The following ASNS variants were observed in gnomAD, a reference collection of about 807,000 sequenced individuals.
ASNS encodes asparagine synthetase [glutamine-hydrolyzing].
In ASNS, 37 loss-of-function variants were observed where a neutral mutation model predicts 62.6. The observed-to-expected ratio is 0.59, with a 90% confidence interval of 0.45 to 0.78. The LOEUF (loss-of-function observed/expected upper bound fraction) is 0.78. ASNS is among the 30% of genes least tolerant of loss of function. ASNS has a pLI of 0.00. For missense variants in ASNS, 520 were observed against 682.4 expected, an observed-to-expected ratio of 0.76 and a Z score of 2.65; for synonymous variants, 207 against 237.9, an observed-to-expected ratio of 0.87 and a Z score of 1.19.
the ASNS span, among the ~76,000 whole-genome samples, chr7:97,925,024 C>G: frequency 6.6e-6 from 1 of 152,138 alleles, no homozygotes; most frequent in African/African-American, 2.4e-5. Flanking sequence ...GTAATCCCAG[C>G]TACTCGGGAG....
chr7:97,880,952 T>C, the ASNS span, among the ~76,000 whole-genome samples: 1 of 151,758 alleles, frequency 6.6e-6, no homozygotes, highest in Non-Finnish European at 1.5e-5. Flanking sequence ...TTGTTTTGTT[T>C]TGTTTTGAGA....
intron 1 of ASNS, among the ~76,000 whole-genome samples, chr7:97,870,529 T>G (rs1022797183): frequency 1.3e-5 from 2 of 152,120 alleles, no homozygotes; most frequent in African/African-American, 2.4e-5. Context: ...CCAAATAATA[T>G]ATGGTTAGAA....
At chr7:97,909,880 T>C in the ASNS span, among the ~76,000 whole-genome samples, 16,449 of 151,876 alleles carry the variant, frequency 0.11, 912 homozygotes, top group East Asian at 0.23. Context: ...AGATTCTTTT[T>C]AAAATGATTT....
the ASNS span, chr7:97,912,891 T>C: frequency 3.8e-5 from 3 of 79,006 alleles, no homozygotes; most frequent in South Asian, 3.7e-4. Flanking sequence ...CAATTTGCTA[T>C]TTTTTTTTTA....
chr7:97,854,798 G>C, intron 9 of ASNS, 118 bp from the exon 10 acceptor site: 2 of 1,543,536 alleles, frequency 1.3e-6, no homozygotes, highest in Admixed American at 3.9e-5. Context: ...TTAGGGAAGG[G>C]AGTAAATAAC....
chr7:97,853,929 T>G (rs952628699), intron 10 of ASNS, among the ~76,000 whole-genome samples: 5 of 152,168 alleles, frequency 3.3e-5, no homozygotes, highest in Non-Finnish European at 5.9e-5. Flanking sequence ...ATGACCAGAT[T>G]CAGTTCATTC....
the ASNS span, among the ~76,000 whole-genome samples, chr7:97,895,753 C>A: frequency 1.3e-5 from 2 of 152,024 alleles, no homozygotes; most frequent in African/African-American, 4.8e-5. Flanking sequence ...ATTGCACTAC[C>A]GCACTCCAGC....
chr7:97,869,585 A>C (rs1792153056), intron 2 of ASNS, among the ~76,000 whole-genome samples, 193 bp downstream of exon 2: 1 of 152,204 alleles, frequency 6.6e-6, no homozygotes. Flanking sequence ...TCACCATCCC[A>C]AAATCCCTCA....
At chr7:97,885,520 T>C in the ASNS span, among the ~76,000 whole-genome samples, 1 of 152,270 alleles carries the variant, frequency 6.6e-6, no homozygotes, top group Non-Finnish European at 1.5e-5. Flanking sequence ...TCTCCATTTA[T>C]ACATTCTCTT....
the ASNS span, among the ~76,000 whole-genome samples, chr7:97,905,749 C>T: frequency 1.3e-5 from 2 of 152,204 alleles, no homozygotes; most frequent in African/African-American, 4.8e-5. Context: ...CTTTATCATC[C>T]GTTCCCTTGG....
rs1260054402 is a variant in ASNS, at chr7:97,853,216, CTGACG to C, written c.1321-6_1321-2del. The stretch of plus-strand genomic sequence containing the variant: ...TCAGGAGATGTTTTTCTATCCCATT[CTGACG>C]TGACAAAAAAAGGAGCATCAGGTAA... On this transcript the variant is annotated splice_acceptor_variant and splice_polypyrimidine_tract_variant and intron_variant, in intron 11 of 12. Coordinates refer to ENST00000394308, the MANE Select transcript of ASNS (RefSeq NM_001673.5). LOFTEE classifies it high-confidence loss of function. The C allele has an allele frequency of 6.2e-7, 1 of 1,607,020 alleles. No homozygotes were observed. The highest frequency in any genetic ancestry group is 8.5e-7 in the Non-Finnish European group (1 of 1,176,380).
chr7:97,910,978 T>C, the ASNS span, among the ~76,000 whole-genome samples: 1 of 152,228 alleles, frequency 6.6e-6, no homozygotes, highest in African/African-American at 2.4e-5. Flanking sequence ...CATTAAATCT[T>C]GAGATCTTAT....
intron 3 of ASNS, among the ~76,000 whole-genome samples, chr7:97,867,158 C>CT (rs929422150): frequency 6.0e-5 from 9 of 148,768 alleles, no homozygotes; most frequent in Non-Finnish European, 7.5e-5. Flanking sequence ...GGCTGCAGGC[C>CT]CTGATACTCC....
At chr7:97,920,967 G>A in the ASNS span, among the ~76,000 whole-genome samples, 1 of 152,186 alleles carries the variant, frequency 6.6e-6, no homozygotes, top group African/African-American at 2.4e-5. Context: ...GCTGTGTAAG[G>A]TGAGATCCCA....
chr7:97,905,638 G>A, the ASNS span, among the ~76,000 whole-genome samples: 1 of 152,082 alleles, frequency 6.6e-6, no homozygotes, highest in Non-Finnish European at 1.5e-5. Flanking sequence ...CTAGATCACT[G>A]TATCTTGACC....
the ASNS span, among the ~76,000 whole-genome samples, chr7:97,917,526 T>G: frequency 2.2e-3 from 330 of 152,268 alleles, no homozygotes; most frequent in Non-Finnish European, 3.6e-3. Flanking sequence ...GACCTGCACT[T>G]CCCCAGCTCA....
the ASNS span, among the ~76,000 whole-genome samples, chr7:97,905,216 C>A: frequency 6.6e-6 from 1 of 152,332 alleles, no homozygotes; most frequent in Admixed American, 6.5e-5. Flanking sequence ...CTTCTCTTCA[C>A]AACCTCATGT....
At chr7:97,864,112 CCTCT>C (rs2115706581) in intron 4 of ASNS, 143 bp downstream of exon 4, 1 of 666,474 alleles carries the variant, frequency 1.5e-6, no homozygotes, top group East Asian at 2.8e-5. Context: ...GAGTACAACT[CCTCT>C]GTTTTTTTAA....
chr7:97,877,980 TTTC>T, the ASNS span, among the ~76,000 whole-genome samples: 1 of 152,190 alleles, frequency 6.6e-6, no homozygotes, highest in Non-Finnish European at 1.5e-5. Flanking sequence ...TACAACTTCC[TTTC>T]TCAAGGAACA....
Sources: allele counts gnomAD v4.1 joint callset (sites outside exome capture counted in the v4.1 genomes callset), GRCh38; gene constraint gnomAD v4.1.1; transcripts MANE v1.5; gene names NCBI Gene and HGNC (gene_info 2026-07-23, HGNC 2026-07-21).